RANBP2: variants seen among roughly 807,000 people sequenced by gnomAD.
The protein encoded by RANBP2 is RAN binding protein 2, also known as E3 SUMO-protein ligase RanBP2.
RANBP2 carries 57 observed loss-of-function variants against 303.6 expected under a neutral mutation model. That is an observed-to-expected ratio of 0.19 (90% CI 0.15 to 0.23). The LOEUF is 0.23. Among genes scored for constraint, RANBP2 ranks in the 10% least tolerant of loss-of-function variants. The probability of loss-of-function intolerance (pLI) is 1.00; values close to 1 mark genes in which losing one functional copy is unlikely to be tolerated. For missense variants in RANBP2, 3,138 were observed against 3,780.8 expected, an observed-to-expected ratio of 0.83 and a Z score of 4.46; for synonymous variants, 1,167 against 1,301.5, an observed-to-expected ratio of 0.90 and a Z score of 2.23.
the RANBP2 span, among the ~76,000 whole-genome samples, chr2:109,517,982 G>A: frequency 6.6e-6 from 1 of 152,250 alleles, no homozygotes; most frequent in African/African-American, 2.4e-5. Context: ...AGGAGCAGAC[G>A]TGGATGAAAA....
the RANBP2 span, among the ~76,000 whole-genome samples, chr2:109,203,573 C>T: frequency 5.3e-5 from 8 of 152,290 alleles, no homozygotes; most frequent in African/African-American, 1.7e-4. Context: ...CCATGTGGTT[C>T]GTCCAGCTCT....
chr2:108,929,238 C>T, the RANBP2 span: 1 of 1,614,168 alleles, frequency 6.2e-7, no homozygotes, highest in Non-Finnish European at 8.5e-7. Context: ...TTCTCCATGT[C>T]CCCTGGTGTC....
chr2:108,837,847 A>G, the RANBP2 span, among the ~76,000 whole-genome samples: 2 of 152,186 alleles, frequency 1.3e-5, no homozygotes, highest in African/African-American at 2.4e-5. Flanking sequence ...GTAAGAGAGT[A>G]TATGGCTAGT....
At chr2:108,870,756 A>G in the RANBP2 span, among the ~76,000 whole-genome samples, 8 of 152,242 alleles carry the variant, frequency 5.3e-5, no homozygotes. Flanking sequence ...GATTCCTCTT[A>G]TATGAGGTGC....
chr2:109,630,699 G>A, the RANBP2 span, among the ~76,000 whole-genome samples: 89 of 152,296 alleles, frequency 5.8e-4, no homozygotes, highest in African/African-American at 2.0e-3. Flanking sequence ...TTTCCTAAAA[G>A]AGTACAAAAC....
the RANBP2 span, among the ~76,000 whole-genome samples, chr2:109,234,254 T>C: frequency 6.6e-6 from 1 of 152,238 alleles, no homozygotes; most frequent in African/African-American, 2.4e-5. Flanking sequence ...ATTCTGAAAC[T>C]GTTACTAAGG....
chr2:109,268,001 C>T, the RANBP2 span, among the ~76,000 whole-genome samples: 1 of 151,870 alleles, frequency 6.6e-6, no homozygotes, highest in African/African-American at 2.4e-5. Context: ...AACGGACATC[C>T]CCACTAAGGG....
At chr2:109,304,871 T>G in the RANBP2 span, among the ~76,000 whole-genome samples, 1 of 152,150 alleles carries the variant, frequency 6.6e-6, no homozygotes, top group African/African-American at 2.4e-5. Flanking sequence ...AGAGCCACCT[T>G]AGAAGACATG....
the RANBP2 span, among the ~76,000 whole-genome samples, chr2:109,209,619 G>A: frequency 6.6e-6 from 1 of 152,060 alleles, no homozygotes; most frequent in Admixed American, 6.5e-5. Context: ...CTGTGTAGGT[G>A]GGGAGGAAAG....
At chr2:109,248,337 ATTC>A in the RANBP2 span, among the ~76,000 whole-genome samples, 1,299 of 152,296 alleles carry the variant, frequency 8.5e-3, 15 homozygotes, top group African/African-American at 0.03. Flanking sequence ...CCATACAGAT[ATTC>A]TTCTTATTGT....
chr2:109,711,961 A>G, the RANBP2 span, among the ~76,000 whole-genome samples: 1 of 152,174 alleles, frequency 6.6e-6, no homozygotes, highest in Non-Finnish European at 1.5e-5. Flanking sequence ...CCTCAGGGCA[A>G]GAGTTTACAA....
At chr2:108,793,456 C>T in the RANBP2 span, among the ~76,000 whole-genome samples, 1 of 152,170 alleles carries the variant, frequency 6.6e-6, no homozygotes, top group Non-Finnish European at 1.5e-5. Flanking sequence ...AGGAACTCAC[C>T]TACTGCTGTT....
chr2:108,976,446 G>C, the RANBP2 span, among the ~76,000 whole-genome samples: 2 of 152,196 alleles, frequency 1.3e-5, no homozygotes, highest in Non-Finnish European at 2.9e-5. Context: ...ATGAAGCAGT[G>C]ACTGGCAGGA....
the RANBP2 span, among the ~76,000 whole-genome samples, chr2:109,599,868 T>G: frequency 1.3e-5 from 2 of 152,216 alleles, no homozygotes; most frequent in Non-Finnish European, 2.9e-5. Flanking sequence ...CATTTCTAAT[T>G]TGTGCTGTTT....
At chr2:108,776,037 C>G (rs1677870698) in intron 24 of RANBP2, 101 bp downstream of exon 24, 4 of 1,003,938 alleles carry the variant, frequency 4.0e-6, no homozygotes, top group Non-Finnish European at 6.0e-6. Context: ...CTTTAAAACA[C>G]ATTTTGATAT....
chr2:109,389,742 C>G, the RANBP2 span, among the ~76,000 whole-genome samples: 1 of 152,108 alleles, frequency 6.6e-6, no homozygotes, highest in Non-Finnish European at 1.5e-5. Context: ...TAGATAAATA[C>G]ACCAAAAGAT....
the RANBP2 span, among the ~76,000 whole-genome samples, chr2:109,664,082 T>C: frequency 6.6e-6 from 1 of 152,216 alleles, no homozygotes; most frequent in Non-Finnish European, 1.5e-5. Context: ...CAGACTGCTC[T>C]ATTCTGTTGC....
At chr2:108,989,818 G>T in the RANBP2 span, among the ~76,000 whole-genome samples, 3 of 151,760 alleles carry the variant, frequency 2.0e-5, no homozygotes, top group East Asian at 1.9e-4. Context: ...AAATGATTGG[G>T]GGGGGGAAAA....
the RANBP2 span, among the ~76,000 whole-genome samples, chr2:109,484,227 C>T: frequency 1.3e-5 from 2 of 152,068 alleles, no homozygotes; most frequent in African/African-American, 4.8e-5. Flanking sequence ...CCACCACGCT[C>T]AGCTAATTCT....
Sources: gnomAD v4.1 joint callset for allele counts (sites outside exome capture counted in the v4.1 genomes callset) on GRCh38, gnomAD v4.1.1 for gene constraint, MANE v1.5 for transcripts, NCBI Gene and HGNC (gene_info 2026-07-23, HGNC 2026-07-21) for gene names.